DYNC1I1: variants seen among roughly 807,000 people sequenced by gnomAD.
DYNC1I1 encodes the protein cytoplasmic dynein 1 intermediate chain 1.
DYNC1I1 carries 43 observed loss-of-function variants against 86.6 expected under a neutral mutation model. The ratio of observed to expected loss-of-function variants is 0.50; its 90% CI spans 0.39 to 0.64. The LOEUF is 0.64. Ranked by LOEUF, DYNC1I1 falls within the 30% of genes least tolerant of loss-of-function variation. The pLI is 0.00. For synonymous variants in DYNC1I1, 262 were observed against 283.7 expected, an observed-to-expected ratio of 0.92 and a Z score of 0.77; for missense variants, 604 against 788.8, an observed-to-expected ratio of 0.77 and a Z score of 2.81.
At chr7:95,913,297 A>G (rs188450701) in intron 6 of DYNC1I1, among the ~76,000 whole-genome samples, 89 of 152,280 alleles carry the variant, frequency 5.8e-4, no homozygotes, top group Middle Eastern at 3.4e-3. Context: ...AATAGAACAG[A>G]GCTCTTGAGC....
At position 95,994,051 on chromosome 7, in the gene DYNC1I1, T is replaced by G. The variant is rs60794943; in HGVS notation, c.844-1897T>G. Among the ~76,000 whole-genome samples, 978 of 152,318 alleles carry G rather than the reference T, an allele frequency of 6.4e-3. 8 individuals carry two copies. The highest frequency in any genetic ancestry group is 0.022 in the African/African-American group (922 of 41,576). On this transcript the variant is annotated intron_variant, in intron 9 of 16. Transcript: ENST00000447467. The stretch of plus-strand genomic sequence containing the variant: ...AGAGTTTTTGTAGGGTGAGTAGGTC[T>G]TTCTAATACCTAGAATCACTATAGA...
At chr7:95,995,145 G>T (rs955274225) in intron 9 of DYNC1I1, among the ~76,000 whole-genome samples, 3 of 152,070 alleles carry the variant, frequency 2.0e-5, no homozygotes, top group Non-Finnish European at 2.9e-5. Context: ...TACTCAGGAG[G>T]CTGAGGCAGG....
intron 10 of DYNC1I1, among the ~76,000 whole-genome samples, chr7:96,015,674 A>T (rs1794383698): frequency 6.6e-6 from 1 of 152,130 alleles, no homozygotes; most frequent in Admixed American, 6.5e-5. Context: ...GTAAGAGGGA[A>T]TTGCCTTCAG....
intron 9 of DYNC1I1, among the ~76,000 whole-genome samples, chr7:95,990,063 G>T (rs1793693467): frequency 6.6e-6 from 1 of 152,054 alleles, no homozygotes; most frequent in Non-Finnish European, 1.5e-5. Context: ...AAATTATAAG[G>T]TTTCAGCATA....
At chr7:95,795,657 G>C (rs901028961) in intron 1 of DYNC1I1, among the ~76,000 whole-genome samples, 1 of 152,098 alleles carries the variant, frequency 6.6e-6, no homozygotes. Flanking sequence ...AATACCAGAT[G>C]TTCTTACTTG....
At position 95,887,573 on chromosome 7, in the gene DYNC1I1, A is replaced by G. The variant is rs917208815; in HGVS notation, c.490+17575A>G. 3.9e-5 allele frequency among the ~76,000 whole-genome samples: 6 copies of G among 152,252 alleles called. No individual in the cohort carries two copies. In the South Asian group the frequency reaches 1.2e-3, roughly 32 times the overall value. On this transcript the variant is annotated intron_variant, in intron 6 of 16. Coordinates refer to ENST00000447467, the MANE Select transcript of DYNC1I1 (RefSeq NM_001135556.2). ...TCTTATAGCATTTATATTTCCTATC[A>G]CTACCTCCTCTCACCCTTCTCTATG...
chr7:95,887,885 A>G (rs1464274900), intron 6 of DYNC1I1, among the ~76,000 whole-genome samples: 2 of 152,190 alleles, frequency 1.3e-5, no homozygotes, highest in Non-Finnish European at 1.5e-5. Flanking sequence ...CAGACTCTCA[A>G]AGTTACCCAT....
rs551097329 is a variant in DYNC1I1 at position 95,841,145 on chromosome 7, C to G, written c.374+13029C>G. Reference sequence around the variant, plus strand: ...GTTCTTGGAACAGACAAGCTAGAGGCCAGTCCCTCTGGTAGCGACTAGAAA... The same window carrying G: ...GTTCTTGGAACAGACAAGCTAGAGGGCAGTCCCTCTGGTAGCGACTAGAAA... On this transcript the variant is annotated intron_variant, in intron 5 of 16. Transcript: ENST00000447467. Among the ~76,000 whole-genome samples the G allele has an allele frequency of 5.3e-5, 8 of 152,300 alleles. No homozygotes were observed. The East Asian group carries it at 1.5e-3, about 29-fold the overall frequency.
intron 14 of DYNC1I1, among the ~76,000 whole-genome samples, chr7:96,042,730 C>A (rs1451708820): frequency 6.6e-6 from 1 of 152,062 alleles, no homozygotes; most frequent in Non-Finnish European, 1.5e-5. Context: ...ACTAGGTAAA[C>A]AAACTCATTA....
At chr7:95,984,436 A>C (rs319321) in intron 7 of DYNC1I1, among the ~76,000 whole-genome samples, 5,528 of 152,250 alleles carry the variant, frequency 0.036, 333 homozygotes, top group African/African-American at 0.13. Flanking sequence ...ACAATAGTAC[A>C]ATAGCATAAT....
At chr7:95,831,187 T>A (rs1448857830) in intron 5 of DYNC1I1, among the ~76,000 whole-genome samples, 1 of 152,224 alleles carries the variant, frequency 6.6e-6, no homozygotes, top group Non-Finnish European at 1.5e-5. Context: ...TTTCATTTTC[T>A]TAACAGTGTC....
rs192035195 is a variant in DYNC1I1, at chr7:95,853,138, A to T, written c.375-16745A>T. 4.6e-5 allele frequency among the ~76,000 whole-genome samples: 7 copies of T among 152,232 alleles called. No homozygotes were observed. The East Asian group carries it at 9.7e-4, about 21-fold the overall frequency. Reference sequence around the variant, plus strand: ...GTGGACAGAAAAGATACTTGATAAGATTTTAGTTTTTTTAGATGCTATGGT... The same window carrying T: ...GTGGACAGAAAAGATACTTGATAAGTTTTTAGTTTTTTTAGATGCTATGGT... On this transcript the variant is annotated intron_variant, in intron 5 of 16. Transcript: ENST00000447467.
chr7:96,028,167 C>G lies in DYNC1I1; in HGVS notation c.970-8C>G. 1.2e-6 allele frequency: 2 copies of G among 1,613,184 alleles called. No homozygotes were observed. The highest frequency in any genetic ancestry group is 2.2e-5 in the East Asian group (1 of 44,854). On this transcript the variant is annotated splice_polypyrimidine_tract_variant and splice_region_variant and intron_variant, in intron 10 of 16. Transcript: ENST00000447467. Reference sequence around the variant, plus strand: ...GCATCTCTCTCTCTCTCTCCTTTTCCCTGACAGTCCTCTGTGATGTCGGTC... The same window carrying G: ...GCATCTCTCTCTCTCTCTCCTTTTCGCTGACAGTCCTCTGTGATGTCGGTC...
intron 16 of DYNC1I1, among the ~76,000 whole-genome samples, chr7:96,092,873 G>T (rs959623126): frequency 1.3e-5 from 2 of 152,124 alleles, no homozygotes; most frequent in East Asian, 3.9e-4. Context: ...CTTTGAGCAG[G>T]TGATTCAAAA....
chr7:95,994,582 G>A (rs1345394657), intron 9 of DYNC1I1, among the ~76,000 whole-genome samples: 1 of 152,142 alleles, frequency 6.6e-6, no homozygotes. Flanking sequence ...GTCCAGTGAG[G>A]CTGGGTCATA....
In DYNC1I1 at chr7:95,813,327, C is replaced by G. The variant is rs1161558300; in HGVS notation, c.304C>G (p.Pro102Ala). The change falls in exon 4 of 17, where the codon CCA becomes GCA. Residue 102 changes from proline to alanine, a missense_variant. Transcript: ENST00000447467. ...AGSQDSGDLG[P>A]LTRTLQWDTD... is the part of the protein sequence containing the mutation. ...AAGCCAAGACTCAGGCGATCTGGGG[C>G]CATTAACAAGGTAAGAATTGTCCCT... is the stretch of plus-strand genomic sequence containing the variant. 4 of 1,610,948 alleles carry G rather than the reference C, an allele frequency of 2.5e-6. No individual in the cohort carries two copies. In the African/African-American group the frequency reaches 5.4e-5, roughly 22 times the overall value.
At chr7:95,941,211 G>A (rs1413783705) in intron 6 of DYNC1I1, among the ~76,000 whole-genome samples, 7 of 151,998 alleles carry the variant, frequency 4.6e-5, no homozygotes, top group African/African-American at 2.4e-5. Flanking sequence ...TGCCCCTACT[G>A]GGGGGTGCCT....
chr7:95,917,094 A>C (rs1791490534), intron 6 of DYNC1I1, among the ~76,000 whole-genome samples: 1 of 152,072 alleles, frequency 6.6e-6, no homozygotes, highest in Non-Finnish European at 1.5e-5. Flanking sequence ...ATTCATGGAG[A>C]GCCAAAAGAA....
At chr7:96,035,963 AAAGCT>A (rs535998136) in intron 13 of DYNC1I1, among the ~76,000 whole-genome samples, 80 of 152,098 alleles carry the variant, frequency 5.3e-4, no homozygotes, top group Non-Finnish European at 8.2e-4. Flanking sequence ...TTGAGGGAAA[AAAGCT>A]CGAGCTTCTG....
Sources: gnomAD v4.1 joint callset for allele counts (sites outside exome capture counted in the v4.1 genomes callset) on GRCh38, gnomAD v4.1.1 for gene constraint, MANE v1.5 for transcripts, NCBI Gene and HGNC (gene_info 2026-07-23, HGNC 2026-07-21) for gene names.